DAB1: variants seen among roughly 807,000 people sequenced by gnomAD.
DAB1 encodes the protein DAB adaptor protein 1.
DAB1 carries 15 observed loss-of-function variants against 64.6 expected under a neutral mutation model. That is an observed-to-expected ratio of 0.23 (90% CI 0.16 to 0.36). DAB1 has a LOEUF of 0.36. DAB1 is among the 10% of genes least tolerant of loss of function. The pLI, the probability that DAB1 is intolerant of heterozygous loss-of-function variation, is 1.00. For missense variants in DAB1, 596 were observed against 706.7 expected (o/e 0.84, Z 1.78); for synonymous variants, 235 against 251.9 (o/e 0.93, Z 0.64).
chr1:57,179,350 C>T (rs1042207039), intron 2 of DAB1, among the ~76,000 whole-genome samples: 2 of 152,162 alleles, frequency 1.3e-5, no homozygotes, highest in African/African-American at 2.4e-5. Flanking sequence ...CTGGGGAAAC[C>T]CCAAAGGGCT....
rs577824861 is a variant in DAB1 at position 57,259,752 on chromosome 1, C to T, written c.67+31212G>A. ...GTTTTAAGAGGAACTCTTCCCTCTG[C>T]CAATTGCTGCCAATTACTTCTGAGC... On this transcript the variant is annotated intron_variant, in intron 2 of 14. Transcript: ENST00000371236. Among the ~76,000 whole-genome samples, 27 of 152,166 alleles carry T rather than the reference C, an allele frequency of 1.8e-4. 2 individuals carry two copies. The highest frequency in any genetic ancestry group is 1.4e-3 in the Admixed American group (22 of 15,280).
At chr1:57,023,182 T>A (rs1362952448) in intron 11 of DAB1, among the ~76,000 whole-genome samples, 1 of 152,186 alleles carries the variant, frequency 6.6e-6, no homozygotes, top group African/African-American at 2.4e-5. Context: ...TGACTCCGTG[T>A]CCTCCCCTGC....
intron 4 of DAB1, among the ~76,000 whole-genome samples, chr1:58,248,758 G>T (rs1396447879): frequency 6.6e-6 from 1 of 152,094 alleles, no homozygotes; most frequent in Non-Finnish European, 1.5e-5. Flanking sequence ...TGGCTGTGTT[G>T]TAATACTGCA....
At chr1:57,959,599 G>A (rs1028738933) in intron 5 of DAB1, among the ~76,000 whole-genome samples, 1 of 152,062 alleles carries the variant, frequency 6.6e-6, no homozygotes, top group Non-Finnish European at 1.5e-5. Flanking sequence ...TTCTAAAGGT[G>A]GTGCTTTCTT....
At chr1:57,022,881 C>A (rs921227703) in intron 11 of DAB1, among the ~76,000 whole-genome samples, 5 of 152,268 alleles carry the variant, frequency 3.3e-5, no homozygotes, top group African/African-American at 1.2e-4. Flanking sequence ...GCCATGGAAA[C>A]AAGGTAAGAT....
intron 4 of DAB1, among the ~76,000 whole-genome samples, chr1:58,203,202 A>G (rs1570479246): frequency 1.3e-5 from 2 of 152,286 alleles, no homozygotes; most frequent in South Asian, 4.1e-4. Flanking sequence ...GTGTTCCTTA[A>G]ATTTCCCATT....
At chr1:58,537,406 G>T (rs1195283114) in intron 1 of DAB1, among the ~76,000 whole-genome samples, 2 of 152,124 alleles carry the variant, frequency 1.3e-5, no homozygotes, top group East Asian at 3.8e-4. Flanking sequence ...AATAAATAGT[G>T]CTCAGTAGCA....
intron 5 of DAB1, among the ~76,000 whole-genome samples, chr1:57,952,205 C>T (rs1392377270): frequency 6.6e-6 from 1 of 152,056 alleles, no homozygotes; most frequent in African/African-American, 2.4e-5. Context: ...GATCACTTCT[C>T]AAAATGAATT....
In DAB1 at chr1:57,802,359, C is replaced by G. The variant is rs113020182; in HGVS notation, n.551+81640G>C. Among the ~76,000 whole-genome samples, 789 of 152,266 alleles carry G rather than the reference C, an allele frequency of 5.2e-3. 4 individuals are homozygous for G. The highest frequency in any genetic ancestry group is 0.014 in the Middle Eastern group (4 of 294). On this transcript the variant is annotated intron_variant and non_coding_transcript_variant, in intron 6 of 20. Transcript: ENST00000485760. ...TTTGTTTTCTGTCACAGATTGAGTT[C>G]TCTGGAGGAAGATGCAGAGACACAA...
chr1:58,055,896 T>TATTATTATTATTATTATC (rs1648034693), intron 5 of DAB1, among the ~76,000 whole-genome samples: 1 of 151,106 alleles, frequency 6.6e-6, no homozygotes, highest in Non-Finnish European at 1.5e-5. Flanking sequence ...TTATTATTAT[T>TATTATTATTATTATTATC]ATTATTATTA....
rs144078458 is a variant in DAB1, at chr1:57,592,707, A to G, written n.625+56885T>C. ...ACAATTACATTTACACCAATATAAT[A>G]CAGGCTTGTTGGCTAAAACAACACA... On this transcript the variant is annotated intron_variant and non_coding_transcript_variant, in intron 7 of 20. Coordinates refer to the DAB1 transcript ENST00000485760. Among the ~76,000 whole-genome samples, 648 of 152,320 alleles carry G rather than the reference A, an allele frequency of 4.3e-3. 10 individuals are homozygous for G. Among genetic ancestry groups the G allele is most frequent in the African/African-American group, 0.015 (619 of 41,562 alleles).
At chr1:58,375,223 T>G (rs1178031421) in intron 3 of DAB1, among the ~76,000 whole-genome samples, 1 of 146,858 alleles carries the variant, frequency 6.8e-6, no homozygotes, top group Non-Finnish European at 1.5e-5. Context: ...CTATGTTGAA[T>G]AGGAGCGGTG....
intron 4 of DAB1, among the ~76,000 whole-genome samples, chr1:58,296,205 GAAAGAAAGAA>G (rs1324974145): frequency 2.8e-3 from 333 of 118,100 alleles, no homozygotes; most frequent in East Asian, 0.01. Context: ...GAGAAAGAAA[GAAAGAAAGAA>G]AGAAAGAAAG....
chr1:57,001,884 C>A (rs570378579), intron 14 of DAB1, among the ~76,000 whole-genome samples: 2 of 152,172 alleles, frequency 1.3e-5, no homozygotes, highest in East Asian at 1.9e-4. Flanking sequence ...TGCTTCAGAA[C>A]CTGTGCAGAT....
At chr1:57,150,469 C>G (rs1659551888) in intron 2 of DAB1, among the ~76,000 whole-genome samples, 1 of 152,198 alleles carries the variant, frequency 6.6e-6, no homozygotes. Flanking sequence ...ATGCTAGGCA[C>G]TGTGCTAGCT....
At chr1:57,078,992 C>T (rs1652234793) in intron 4 of DAB1, among the ~76,000 whole-genome samples, 1 of 152,000 alleles carries the variant, frequency 6.6e-6, no homozygotes, top group Non-Finnish European at 1.5e-5. Context: ...AAATAGCAAG[C>T]AGTACCGAAA....
At chr1:58,277,037 CTTTTTTTTTTT>C (rs869207396) in intron 4 of DAB1, among the ~76,000 whole-genome samples, 4 of 79,694 alleles carry the variant, frequency 5.0e-5, no homozygotes, top group East Asian at 3.9e-4. Flanking sequence ...CTTTTTTTTT[CTTTTTTTTTTT>C]TTTTTTTTTG....
intron 5 of DAB1, among the ~76,000 whole-genome samples, chr1:57,930,638 T>C (rs1644940937): frequency 6.6e-6 from 1 of 152,176 alleles, no homozygotes; most frequent in African/African-American, 2.4e-5. Context: ...TGCTAATTGA[T>C]ATTGTGTTTT....
chr1:57,101,633 C>T (rs1219814293), intron 4 of DAB1, among the ~76,000 whole-genome samples: 2 of 152,208 alleles, frequency 1.3e-5, no homozygotes, highest in Admixed American at 1.3e-4. Context: ...GGATTACAGG[C>T]ATGCTGTTTA....
Sources: allele counts gnomAD v4.1 joint callset (sites outside exome capture counted in the v4.1 genomes callset), GRCh38; gene constraint gnomAD v4.1.1; transcripts MANE v1.5; gene names NCBI Gene and HGNC (gene_info 2026-07-23, HGNC 2026-07-21).